Variants in RABGAP1 observed in about 807,000 individuals in gnomAD.
RABGAP1 encodes rab GTPase-activating protein 1.
In RABGAP1, 23 loss-of-function variants were observed where a neutral mutation model predicts 137.6. The observed-to-expected ratio is 0.17, with a 90% CI of 0.12 to 0.24. RABGAP1 has a LOEUF of 0.24. RABGAP1 is among the 10% of genes least tolerant of loss of function. The pLI is 1.00. For missense variants in RABGAP1, 906 were observed against 1,275.8 expected (o/e 0.71, Z 4.42); for synonymous variants, 451 against 450.7 (o/e 1.00, Z -0.01).
At chr9:122,941,907 A>C (rs77178717) in intron 1 of RABGAP1, among the ~76,000 whole-genome samples, 2,031 of 152,376 alleles carry the variant, frequency 0.013, 50 homozygotes, top group African/African-American at 0.047. Context: ...TTTTGGAAAC[A>C]AATGTCCTAG....
chr9:123,101,009 A>C (rs781397485), intron 24 of RABGAP1, among the ~76,000 whole-genome samples: 1 of 152,176 alleles, frequency 6.6e-6, no homozygotes, highest in African/African-American at 2.4e-5. Flanking sequence ...ATGTTTTCTT[A>C]GAGGAACATA....
intron 21 of RABGAP1, among the ~76,000 whole-genome samples, chr9:123,095,313 T>G (rs1284687852): frequency 6.6e-6 from 1 of 152,100 alleles, no homozygotes. Context: ...CTGCTTTTAC[T>G]TTCTTTGGGT....
chr9:123,004,957 G>A (rs1015746328), intron 10 of RABGAP1, among the ~76,000 whole-genome samples: 7 of 150,388 alleles, frequency 4.7e-5, no homozygotes, highest in African/African-American at 1.5e-4. Flanking sequence ...TCGGGAGGCC[G>A]AGGCAGGAGA....
At chr9:122,989,951 G>A in intron 5 of RABGAP1, 105 bp from the exon 6 acceptor site, 2 of 1,248,250 alleles carry the variant, frequency 1.6e-6, no homozygotes, top group Non-Finnish European at 2.2e-6. Context: ...GAAATAAGTG[G>A]GATAAAGATA....
chr9:123,024,437 C>CTT (rs1215225013), intron 13 of RABGAP1, among the ~76,000 whole-genome samples: 16 of 140,162 alleles, frequency 1.1e-4, no homozygotes, highest in African/African-American at 3.6e-4. Context: ...GCCAGCATAT[C>CTT]TTTTTTTTTT....
upstream of RABGAP1, chr9:122,938,013 C>G (rs1833416361): frequency 6.6e-6 from 1 of 152,132 alleles, no homozygotes; most frequent in Non-Finnish European, 1.5e-5. Flanking sequence ...AAATGAAATT[C>G]TAGACCTGAA....
intron 10 of RABGAP1, among the ~76,000 whole-genome samples, chr9:123,005,734 G>A (rs2030194851): frequency 6.6e-6 from 1 of 151,844 alleles, no homozygotes; most frequent in Non-Finnish European, 1.5e-5. Flanking sequence ...TCTTATGTAT[G>A]TGTTATTTTG....
intron 13 of RABGAP1, among the ~76,000 whole-genome samples, chr9:123,051,234 T>G (rs2033451279): frequency 4.4e-5 from 3 of 67,726 alleles, no homozygotes; most frequent in Non-Finnish European, 9.0e-5. Context: ...TTTTTTTTTT[T>G]TTTTTTTTTT....
At chr9:122,934,370 G>A in the RABGAP1 span, among the ~76,000 whole-genome samples, 7 of 152,050 alleles carry the variant, frequency 4.6e-5, no homozygotes, top group East Asian at 9.6e-4. Context: ...GAGCCACCAC[G>A]CCCGGCCTCT....
In RABGAP1 at chr9:123,070,076, A is replaced by G. The variant is rs1443830611; in HGVS notation, c.1909-274A>G. Among the ~76,000 whole-genome samples the G allele has an allele frequency of 1.3e-5, 2 of 152,192 alleles. No homozygotes were observed. The highest frequency in any genetic ancestry group is 2.9e-5 in the Non-Finnish European group (2 of 68,030). On this transcript the variant is annotated intron_variant, in intron 14 of 25. Coordinates refer to ENST00000373647, the MANE Select transcript of RABGAP1 (RefSeq NM_012197.4). The surrounding 1 kb of genome is among the most constrained non-coding windows in gnomAD (Gnocchi z 4.4). ...AGGAGAGGGAACATCATGAACAACA[A>G]CAAGGAAATACGAAGTTTTTTTTAG...
chr9:123,006,273 A>G (rs567398110), intron 10 of RABGAP1, among the ~76,000 whole-genome samples: 10 of 152,302 alleles, frequency 6.6e-5, no homozygotes, highest in Admixed American at 6.5e-4. Flanking sequence ...CTAACTCCCA[A>G]GTTACAAAAA....
chr9:123,058,039 C>A (rs892664684), intron 13 of RABGAP1, among the ~76,000 whole-genome samples: 1 of 68,352 alleles, frequency 1.5e-5, no homozygotes, highest in Non-Finnish European at 3.0e-5. Flanking sequence ...AGAGGGAGAC[C>A]GTGGAAAGAG....
At chr9:122,940,561 A>G (rs527511348), upstream of RABGAP1, among the ~76,000 whole-genome samples, 9 of 152,338 alleles carry the variant, frequency 5.9e-5, no homozygotes, top group South Asian at 1.9e-3. Context: ...TCCCTGACAC[A>G]CCGTGCGCCC....
At position 122,984,697 on chromosome 9, in the gene RABGAP1, A is replaced by G. The variant is rs142151399; in HGVS notation, c.363A>G (p.Leu121=). The G allele has an allele frequency of 1.5e-4, 237 of 1,614,060 alleles. No individual in the cohort carries two copies. In the African/African-American group the frequency reaches 2.7e-3, roughly 19 times the overall value. ...LVGLQKPEMS[L]PVKPGQGDSE... ...GGCTCCAAAAACCAGAGATGAGCCT[A>G]CCAGTGAAACCTGGACAAGGAGGTT... The change falls in exon 3 of 26, where the codon CTA becomes CTG. Residue 121 remains leucine, a synonymous_variant. Coordinates refer to ENST00000373647, the MANE Select transcript of RABGAP1 (RefSeq NM_012197.4).
chr9:122,946,348 G>T (rs1236205578), intron 1 of RABGAP1, among the ~76,000 whole-genome samples: 1 of 152,136 alleles, frequency 6.6e-6, no homozygotes, highest in Non-Finnish European at 1.5e-5. Flanking sequence ...AGATCTGAAT[G>T]TAAACAGATG....
rs142594031 is a variant in RABGAP1, at chr9:123,098,731, G to A, written c.2750G>A (p.Arg917His). ...EESAQLKEMC[R>H]RELDKAESEI... ...TGTGTGCAGTTAAAAGAAATGTGCC[G>A]TCGGGAACTCGACAAGGCAGAATCT... Residue 917 changes from arginine to histidine, a missense_variant, in exon 23 of 26, where the codon CGT (arginine) becomes CAT (histidine). Physicochemically the swap from Arg to His is conservative, Grantham distance 29. Transcript: ENST00000373647. The A allele has an allele frequency of 2.4e-5, 38 of 1,613,440 alleles. No individual in the cohort carries two copies. Among genetic ancestry groups the A allele is most frequent in the Middle Eastern group, 1.6e-4 (1 of 6,082 alleles).
intron 13 of RABGAP1, among the ~76,000 whole-genome samples, chr9:123,036,886 T>C (rs2032692445): frequency 6.6e-6 from 1 of 152,158 alleles, no homozygotes; most frequent in Non-Finnish European, 1.5e-5. Flanking sequence ...AGAATTATTA[T>C]TGAGAGTTAT....
rs56098560 is a variant in RABGAP1 at position 123,079,239 on chromosome 9, G to GT, written c.2424+2495dup. Among the ~76,000 whole-genome samples the GT allele has an allele frequency of 9.8e-3, 1,044 of 106,688 alleles. 21 individuals are homozygous for GT. Among genetic ancestry groups the GT allele is most frequent in the African/African-American group, 0.028 (970 of 34,554 alleles). 70.0% of individuals were successfully genotyped at this position (106,688 alleles called of 152,430 possible). A position where few individuals can be genotyped will look rare whatever the true frequency, so the allele number is the denominator to read the frequency against. On this transcript the variant is annotated intron_variant, in intron 19 of 25. Transcript: ENST00000373647. The stretch of plus-strand genomic sequence containing the variant: ...TTTTTTTGTTTTTTTGTTTTGTTTT[G>GT]TTTTTTTTTTTTTTTTTTGAGACAG...
chr9:123,098,896 C>T (rs967295296), intron 23 of RABGAP1, 98 bp downstream of exon 23: 15 of 648,390 alleles, frequency 2.3e-5, no homozygotes, highest in East Asian at 2.0e-4. Context: ...CAAATGCAAG[C>T]ACCCTGGTTT....
Sources: allele counts gnomAD v4.1 joint callset (sites outside exome capture counted in the v4.1 genomes callset), GRCh38; gene constraint gnomAD v4.1.1; non-coding constraint Gnocchi (gnomAD v3.1); transcripts MANE v1.5; gene names NCBI Gene and HGNC (gene_info 2026-07-23, HGNC 2026-07-21).